PABPN1: variants seen among roughly 807,000 people sequenced by gnomAD.
PABPN1 encodes the protein poly(A) binding protein nuclear 1.
Under a neutral mutation model 33.4 loss-of-function variants are expected in PABPN1, and 5 were observed. The observed-to-expected ratio is 0.15, with a 90% CI of 0.08 to 0.32. The LOEUF (loss-of-function observed/expected upper bound fraction) is 0.32, where lower values mean the gene tolerates loss of function less well. PABPN1 is among the 10% of genes least tolerant of loss of function. The pLI is 1.00. For synonymous variants in PABPN1, 176 were observed against 170.6 expected (o/e 1.03, Z -0.25); for missense variants, 312 against 425.8 (o/e 0.73, Z 2.35).
chr14:23,323,070 C>G lies in PABPN1; in HGVS notation c.534+4C>G, dbSNP rs556736927. The G allele has an allele frequency of 6.2e-7, 1 of 1,613,892 alleles. No homozygotes were observed. Among genetic ancestry groups the G allele is most frequent in the Non-Finnish European group, 8.5e-7 (1 of 1,179,992 alleles). ...CCGTTCCATCTATGTTGGCAATGTACGTACTGGGGCTCTGACTGGGGTTGG... is the reference window on the plus strand; with the variant it reads ...CCGTTCCATCTATGTTGGCAATGTAGGTACTGGGGCTCTGACTGGGGTTGG... On this transcript the variant is annotated splice_donor_region_variant and intron_variant, in intron 3 of 6. Transcript: ENST00000216727.
intron 2 of PABPN1, chr14:23,322,726 C>T (rs1594989063): frequency 1.9e-6 from 1 of 515,720 alleles, no homozygotes; most frequent in East Asian, 3.5e-5. Context: ...AGCATTTCAA[C>T]CAAAGCCATT....
At position 23,321,487 on chromosome 14, in the gene PABPN1, G is replaced by GGCGGCA. The variant is rs1337792814; in HGVS notation, c.21_26dup (p.Ala10_Ala11dup). Reference sequence around the variant, plus strand: ...GAGCGGCGATGGCGGCGGCGGCGGCGGCGGCAGCAGCAGCGGGGGCTGCGG... The same window carrying GGCGGCA: ...GAGCGGCGATGGCGGCGGCGGCGGCGGCGGCAGCGGCAGCAGCAGCGGGGGCTGCGG... On this transcript the variant is annotated inframe_insertion, in exon 1 of 7. Coordinates refer to ENST00000216727, the MANE Select transcript of PABPN1 (RefSeq NM_004643.4). The GGCGGCA allele has an allele frequency of 7.5e-6, 9 of 1,194,274 alleles. No homozygotes were observed. The Admixed American group carries it at 1.4e-4, about 18-fold the overall frequency. The allele number at this position is 1,194,274 out of a possible 1,614,324, so 74.0% of individuals were successfully genotyped here.
chr14:23,322,820 G>T (rs1391320200), intron 2 of PABPN1, 179 bp from the exon 3 acceptor site: 10 of 694,050 alleles, frequency 1.4e-5, no homozygotes, highest in Non-Finnish European at 2.6e-5. Context: ...TGAATATTTA[G>T]TGAGTACCTG....
intron 2 of PABPN1, 128 bp downstream of exon 2, chr14:23,322,423 G>A: frequency 1.2e-6 from 1 of 834,448 alleles, no homozygotes; most frequent in Non-Finnish European, 2.0e-6. Context: ...TGACTGTGCC[G>A]CGGTCATAGT....
intron 1 of PABPN1, 128 bp from the exon 2 acceptor site, chr14:23,322,053 C>G: frequency 9.6e-7 from 1 of 1,038,860 alleles, no homozygotes; most frequent in East Asian, 2.6e-5. Flanking sequence ...TTTCTTTTAT[C>G]ACGACCCTCG....
intron 4 of PABPN1, 29 bp from the exon 5 acceptor site, chr14:23,323,936 C>G: frequency 6.2e-7 from 1 of 1,612,580 alleles, no homozygotes; most frequent in Non-Finnish European, 8.5e-7. Flanking sequence ...TTTGTAACCT[C>G]AGAGAGATAC....
intron 1 of PABPN1, 141 bp from the exon 2 acceptor site, chr14:23,322,040 G>A: frequency 1.0e-6 from 1 of 958,204 alleles, no homozygotes. Flanking sequence ...AGAGAGGGTA[G>A]CTTTTCTTTT....
In PABPN1 at chr14:23,322,895, C is replaced by T. The variant is rs1888425366; in HGVS notation, c.467-104C>T. On this transcript the variant is annotated intron_variant, in intron 2 of 6. Transcript: ENST00000216727. ...GGAACAGCACAGACCAAAATCTTTGCCTTCACTGAGCTTATGGGATAGTGC... is the reference window on the plus strand; with the variant it reads ...GGAACAGCACAGACCAAAATCTTTGTCTTCACTGAGCTTATGGGATAGTGC... The T allele has an allele frequency of 5.3e-6, 8 of 1,522,514 alleles. No homozygotes were observed. The East Asian group carries it at 1.8e-4, about 34-fold the overall frequency. 94.3% of individuals were successfully genotyped at this position (1,522,514 alleles called of 1,614,324 possible).
At position 23,325,349 on chromosome 14, in the gene PABPN1, TAAA is replaced by T; in HGVS notation, c.*75_*77del. 1.6e-5 allele frequency: 18 copies of T among 1,091,630 alleles called. No homozygotes were observed. Among genetic ancestry groups the T allele is most frequent in the East Asian group, 9.4e-5 (3 of 31,802 alleles). 67.6% of individuals were successfully genotyped at this position (1,091,630 alleles called of 1,614,324 possible). On this transcript the variant is annotated 3_prime_UTR_variant, in exon 7 of 7. Transcript: ENST00000216727. Reference sequence around the variant, plus strand: ...AGGAAAGAAGGAAAAAAAAAAGAATTAAAAAAAAAAAAAAGAAAAACAGAAGAT... The same window carrying T: ...AGGAAAGAAGGAAAAAAAAAAGAATTAAAAAAAAAAAGAAAAACAGAAGAT...
intron 6 of PABPN1, 61 bp from the exon 7 acceptor site, chr14:23,325,186 G>A (rs1888654132): frequency 6.2e-7 from 1 of 1,609,678 alleles, no homozygotes. Flanking sequence ...CCTACGGGGA[G>A]GGGCTTGTAC....
At chr14:23,325,030 G>T (rs1036506800) in intron 6 of PABPN1, 3 of 383,806 alleles carry the variant, frequency 7.8e-6, no homozygotes, top group East Asian at 7.1e-5. Context: ...CTTCTTTTTC[G>T]CCACTGTTTG....
chr14:23,323,897 C>T (rs536808346), intron 4 of PABPN1, 68 bp from the exon 5 acceptor site: 87 of 1,525,936 alleles, frequency 5.7e-5, no homozygotes, highest in Middle Eastern at 1.9e-4. Flanking sequence ...ACGAAGCATG[C>T]CTGCAGGTTG....
Position 23,321,737 on chromosome 14 carries a change from T to G in PABPN1, c.268T>G (p.Ser90Ala). The change falls in exon 1 of 7, where the codon TCG (serine) becomes GCG (alanine). Residue 90 changes from serine (S) to alanine (A), a missense_variant. By Grantham distance (99) the Ser-to-Ala change is moderately conservative (BLOSUM62 1). Around this residue, in one of 3 missense-constraint regions of PABPN1, gnomAD observed 167 missense variants for 168.9 expected, o/e 0.99. Coordinates refer to ENST00000216727, the MANE Select transcript of PABPN1 (RefSeq NM_004643.4). ...PPGAPGPGPG[S>A]GAPGSQEEEE... is the part of the protein sequence containing the mutation. ...GGGAGCTCCGGGCCCTGGGCCTGGT[T>G]CGGGAGCCCCCGGCAGCCAAGAGGA... The G allele has an allele frequency of 1.3e-6, 2 of 1,541,006 alleles. No individual in the cohort carries two copies. The highest frequency in any genetic ancestry group is 1.7e-6 in the Non-Finnish European group (2 of 1,143,534).
chr14:23,323,645 T>A (rs1367977304), intron 4 of PABPN1, among the ~76,000 whole-genome samples, 162 bp downstream of exon 4: 1 of 152,216 alleles, frequency 6.6e-6, no homozygotes, highest in Non-Finnish European at 1.5e-5. Flanking sequence ...CACCTAAATG[T>A]CTTCAGAGGC....
Position 23,324,279 on chromosome 14 carries a change from C to G in PABPN1, c.871C>G (p.Arg291Gly). Residue 291 changes from arginine to glycine, a missense_variant, in exon 6 of 7, where the codon CGC (arginine) becomes GGC (glycine). Around this residue, in one of 3 missense-constraint regions of PABPN1, gnomAD observed 68 missense variants for 71.1 expected, o/e 0.96. Coordinates refer to ENST00000216727, the MANE Select transcript of PABPN1 (RefSeq NM_004643.4). ...YSGFNSRPRG[R>G]VYRGRARATS... Reference sequence around the variant, plus strand: ...TGGTTTTAACAGCAGGCCCCGGGGTCGCGTCTACAGGTCAGGATAGATGGG... The same window carrying G: ...TGGTTTTAACAGCAGGCCCCGGGGTGGCGTCTACAGGTCAGGATAGATGGG... 6.2e-7 allele frequency: 1 copy of G among 1,612,862 alleles called. No homozygotes were observed. Among genetic ancestry groups the G allele is most frequent in the Non-Finnish European group, 8.5e-7 (1 of 1,180,014 alleles).
Position 23,321,574 on chromosome 14 carries a change from CG to C in PABPN1, c.109del (p.Glu37ArgfsTer100). On this transcript the variant is annotated frameshift_variant, in exon 1 of 7. Coordinates refer to ENST00000216727, the MANE Select transcript of PABPN1 (RefSeq NM_004643.4). LOFTEE classifies it high-confidence loss of function. ...HLVPGAGGEAGEGAPGGAGDY... is the reference protein window; with the variant it reads ...HLVPGAGGEAXEGAPGGAGDY... ...TTGTGCCCGGGGCCGGTGGGGAGGCCGGGGAGGGGGCCCCGGGGGGCGCAGG... is the reference window on the plus strand; with the variant it reads ...TTGTGCCCGGGGCCGGTGGGGAGGCCGGGAGGGGGCCCCGGGGGGCGCAGG... 2.1e-6 allele frequency: 3 copies of C among 1,427,616 alleles called. No individual in the cohort carries two copies. The highest frequency in any genetic ancestry group is 1.4e-5 in the South Asian group (1 of 69,976). 88.4% of individuals were successfully genotyped at this position (1,427,616 alleles called of 1,614,324 possible).
intron 6 of PABPN1, 133 bp downstream of exon 6, chr14:23,324,422 C>T: frequency 8.1e-7 from 1 of 1,237,454 alleles, no homozygotes; most frequent in Non-Finnish European, 1.1e-6. Flanking sequence ...CCTGCCTGTG[C>T]AGGTTGAGGA....
At position 23,321,500 on chromosome 14, in the gene PABPN1, G is replaced by A. The variant is rs1045060319; in HGVS notation, c.31G>A (p.Ala11Thr). The change falls in exon 1 of 7, where the codon GCG becomes ACG. Residue 11 changes from alanine to threonine, a missense_variant. Physicochemically the swap from Ala to Thr is moderately conservative, Grantham distance 58. Around this residue, in one of 3 missense-constraint regions of PABPN1, gnomAD observed 167 missense variants for 168.9 expected, o/e 0.99. Coordinates refer to ENST00000216727, the MANE Select transcript of PABPN1 (RefSeq NM_004643.4). MAAAAAAAAA[A>T]GAAGGRGSGP... Reference sequence around the variant, plus strand: ...GGCGGCGGCGGCGGCGGCAGCAGCAGCGGGGGCTGCGGGCGGTCGGGGCTC... The same window carrying A: ...GGCGGCGGCGGCGGCGGCAGCAGCAACGGGGGCTGCGGGCGGTCGGGGCTC... 4.1e-6 allele frequency: 5 copies of A among 1,221,774 alleles called. No homozygotes were observed. Among genetic ancestry groups the A allele is most frequent in the East Asian group, 3.4e-5 (1 of 29,762 alleles). The allele number at this position is 1,221,774 out of a possible 1,614,324, so 75.7% of individuals were successfully genotyped here.
At chr14:23,324,330 T>G in intron 6 of PABPN1, 41 bp downstream of exon 6, 1 of 1,605,076 alleles carries the variant, frequency 6.2e-7, no homozygotes, top group Non-Finnish European at 8.5e-7. Context: ...CCGCCTCCCG[T>G]GAGCCCCGTA....
Sources: allele counts gnomAD v4.1 joint callset (sites outside exome capture counted in the v4.1 genomes callset), GRCh38; gene constraint gnomAD v4.1.1; regional missense constraint gnomAD v4.1.1; transcripts MANE v1.5; gene names NCBI Gene and HGNC (gene_info 2026-07-23, HGNC 2026-07-21).